Variants in SDK1 observed in about 807,000 individuals in gnomAD.
SDK1 encodes protein sidekick-1.
Under a neutral mutation model 245.5 loss-of-function variants are expected in SDK1, and 157 were observed. The ratio of observed to expected loss-of-function variants is 0.64; its 90% confidence interval spans 0.56 to 0.73. The LOEUF (loss-of-function observed/expected upper bound fraction) is 0.73, where lower values mean the gene tolerates loss of function less well. SDK1 is among the 30% of genes least tolerant of loss of function. The probability of loss-of-function intolerance (pLI) is 0.00; values close to 1 mark genes in which losing one functional copy is unlikely to be tolerated. For synonymous variants in SDK1, 1,647 were observed against 1,278.5 expected (o/e 1.29, Z -6.15); for missense variants, 3,583 against 3,002.3 (o/e 1.19, Z -4.52).
At chr7:4,110,623 A>T (rs761403212) in intron 22 of SDK1, 40 bp from the exon 23 acceptor site, 5 of 1,412,622 alleles carry the variant, frequency 3.5e-6, no homozygotes, top group Middle Eastern at 2.2e-4. Flanking sequence ...CTCAGTCCCT[A>T]AGGCATGTCC....
In SDK1 at chr7:4,083,409, T is replaced by C. The variant is rs540621296; in HGVS notation, c.3324+3825T>C. On this transcript the variant is annotated intron_variant, in intron 22 of 44. Transcript: ENST00000404826. ...CCAGCCAGTCATCCCATGGGACATC[T>C]GCATTGGAGATGCACCTGGTTACAT... 1.1e-4 allele frequency among the ~76,000 whole-genome samples: 17 copies of C among 152,266 alleles called. No homozygotes were observed. The East Asian group carries it at 2.9e-3, about 26-fold the overall frequency.
At chr7:3,642,290 T>G (rs559947718) in intron 4 of SDK1, among the ~76,000 whole-genome samples, 185 bp downstream of exon 4, 2 of 152,358 alleles carry the variant, frequency 1.3e-5, no homozygotes, top group Admixed American at 6.5e-5. Context: ...TTAACCAGTT[T>G]AAGCAAATAA....
intron 4 of SDK1, among the ~76,000 whole-genome samples, chr7:3,662,843 G>A (rs777964008): frequency 1.1e-4 from 16 of 152,096 alleles, no homozygotes; most frequent in Non-Finnish European, 1.9e-4. Context: ...TTTTGGATTC[G>A]GATTTCAGAC....
At chr7:3,344,045 G>A (rs914111558) in intron 1 of SDK1, among the ~76,000 whole-genome samples, 3 of 147,362 alleles carry the variant, frequency 2.0e-5, no homozygotes, top group Admixed American at 1.3e-4. Flanking sequence ...AACTAGAAAT[G>A]CATGTATATT....
intron 1 of SDK1, among the ~76,000 whole-genome samples, chr7:3,440,472 G>C (rs902512988): frequency 6.7e-6 from 1 of 149,372 alleles, no homozygotes. Flanking sequence ...GACTCAGTTA[G>C]CCCCTCAGGA....
chr7:3,480,683 T>C (rs1583922847), intron 1 of SDK1, among the ~76,000 whole-genome samples: 1 of 152,232 alleles, frequency 6.6e-6, no homozygotes, highest in Non-Finnish European at 1.5e-5. Context: ...AGCGTGCATA[T>C]GGATTGTAGT....
chr7:3,993,647 A>G lies in SDK1; in HGVS notation c.2131+6325A>G, dbSNP rs182622707. Among the ~76,000 whole-genome samples, 65 of 152,304 alleles carry G rather than the reference A, an allele frequency of 4.3e-4. 1 individual carries two copies. Among genetic ancestry groups the G allele is most frequent in the Middle Eastern group, 6.8e-3 (2 of 294 alleles). ...AAAAACGATCACTACAGTCCCACAT[A>G]TGTTGAAAGCCAGCCCTGCACCCAA... On this transcript the variant is annotated intron_variant, in intron 14 of 44. Transcript: ENST00000404826.
intron 17 of SDK1, among the ~76,000 whole-genome samples, chr7:4,032,591 G>T (rs2342494): frequency 6.6e-5 from 10 of 151,908 alleles, no homozygotes; most frequent in African/African-American, 2.4e-4. Context: ...ATGATATCTG[G>T]AAACTACTAT....
chr7:3,513,482 G>A (rs1175952184), intron 1 of SDK1, among the ~76,000 whole-genome samples: 1 of 152,048 alleles, frequency 6.6e-6, no homozygotes, highest in Admixed American at 6.6e-5. Flanking sequence ...CAGTGCAATA[G>A]AAGAAATCAT....
chr7:3,893,515 C>T (rs1471554277), intron 5 of SDK1, among the ~76,000 whole-genome samples: 5 of 151,992 alleles, frequency 3.3e-5, no homozygotes, highest in Admixed American at 3.3e-4. Flanking sequence ...GCTTTCCATA[C>T]CTTCTGGGTC....
At chr7:3,650,357 C>T (rs1259806526) in intron 4 of SDK1, among the ~76,000 whole-genome samples, 4 of 152,234 alleles carry the variant, frequency 2.6e-5, no homozygotes, top group Non-Finnish European at 5.9e-5. Flanking sequence ...TAACTCCCCA[C>T]TCCCTCCTTC....
intron 1 of SDK1, among the ~76,000 whole-genome samples, chr7:3,579,928 A>C (rs916006898): frequency 3.9e-5 from 6 of 152,202 alleles, no homozygotes; most frequent in African/African-American, 1.4e-4. Context: ...TCAGCTGATA[A>C]ACAATTTCAG....
At chr7:3,946,258 G>A (rs918988836) in intron 5 of SDK1, among the ~76,000 whole-genome samples, 1 of 151,974 alleles carries the variant, frequency 6.6e-6, no homozygotes, top group Non-Finnish European at 1.5e-5. Context: ...GCTCACTGCA[G>A]CCTCAACCTC....
chr7:3,783,129 A>C (rs1400408155), intron 4 of SDK1, among the ~76,000 whole-genome samples: 1 of 152,252 alleles, frequency 6.6e-6, no homozygotes, highest in Admixed American at 6.5e-5. Context: ...CCATGTGCTC[A>C]TTTTGTTAGA....
chr7:3,460,630 A>G (rs1338209653), intron 1 of SDK1, among the ~76,000 whole-genome samples: 1 of 152,128 alleles, frequency 6.6e-6, no homozygotes, highest in African/African-American at 2.4e-5. Flanking sequence ...CTTTAGGCCT[A>G]CCCTTATTTT....
At chr7:3,444,700 G>T (rs1205458006) in intron 1 of SDK1, among the ~76,000 whole-genome samples, 2 of 152,116 alleles carry the variant, frequency 1.3e-5, no homozygotes, top group Non-Finnish European at 2.9e-5. Context: ...GTCCTTGATT[G>T]GTTTTCTGTT....
intron 28 of SDK1, among the ~76,000 whole-genome samples, chr7:4,141,519 C>T (rs1202138814): frequency 6.6e-6 from 1 of 152,196 alleles, no homozygotes; most frequent in Non-Finnish European, 1.5e-5. Context: ...CTCATTAATT[C>T]AGACATAGTC....
At chr7:3,941,241 G>C (rs1007371661) in intron 5 of SDK1, among the ~76,000 whole-genome samples, 5 of 151,940 alleles carry the variant, frequency 3.3e-5, no homozygotes, top group African/African-American at 1.2e-4. Flanking sequence ...CAACACCCTT[G>C]ACCCATTGGA....
chr7:4,215,091 A>G (rs904873419), intron 38 of SDK1, among the ~76,000 whole-genome samples: 7 of 152,164 alleles, frequency 4.6e-5, no homozygotes, highest in African/African-American at 1.2e-4. Flanking sequence ...CCCTGATGGT[A>G]TTGGCCAGAA....
Sources: allele counts gnomAD v4.1 joint callset (sites outside exome capture counted in the v4.1 genomes callset), GRCh38; gene constraint gnomAD v4.1.1; transcripts MANE v1.5; gene names NCBI Gene and HGNC (gene_info 2026-07-23, HGNC 2026-07-21).